Variants in FUS observed in about 807,000 individuals in gnomAD.
The protein encoded by FUS is FUS RNA binding protein.
In FUS, 5 loss-of-function variants were observed where a neutral mutation model predicts 82.7. That is an observed-to-expected ratio of 0.06 (90% CI 0.03 to 0.13). FUS has a LOEUF of 0.13. Ranked by LOEUF, FUS falls within the 10% of genes least tolerant of loss-of-function variation. The pLI, the probability that FUS is intolerant of heterozygous loss-of-function variation, is 1.00. For synonymous variants in FUS, 281 were observed against 247.4 expected, an observed-to-expected ratio of 1.14 and a Z score of -1.27; for missense variants, 512 against 707.8, an observed-to-expected ratio of 0.72 and a Z score of 3.14.
Position 31,182,717 on chromosome 16 carries a change from T to C in FUS, c.190+53T>C, listed in dbSNP as rs777113387. 1.9e-6 allele frequency: 3 copies of C among 1,611,670 alleles called. No homozygotes were observed. The South Asian group carries it at 3.3e-5, about 18-fold the overall frequency. On this transcript the variant is annotated intron_variant, in intron 3 of 14. Transcript: ENST00000254108. ...TCCTACTCTTTCTGAATATTGCTTT[T>C]CTTTTTCTTGTTTTTTGGAGACGGA...
intron 7 of FUS, chr16:31,187,291 G>A (rs939925349): frequency 7.1e-6 from 2 of 282,644 alleles, no homozygotes; most frequent in East Asian, 4.9e-5. Context: ...CCTGAGGATG[G>A]TGAAGTTGGT....
At chr16:31,184,633 C>A (rs891250073) in intron 5 of FUS, among the ~76,000 whole-genome samples, 3 of 151,884 alleles carry the variant, frequency 2.0e-5, no homozygotes, top group Non-Finnish European at 4.4e-5. Context: ...TTAGTAGAGA[C>A]GGGGTTTCAC....
At chr16:31,192,070 G>T (rs922533907), downstream of FUS, 60 of 532,642 alleles carry the variant, frequency 1.1e-4, 1 homozygote, top group Non-Finnish European at 2.0e-4. Flanking sequence ...GCAGGAGTTT[G>T]TGGAGTGGAG....
intron 10 of FUS, 112 bp from the exon 11 acceptor site, chr16:31,189,928 T>C (rs1267823604): frequency 6.4e-7 from 1 of 1,573,246 alleles, no homozygotes; most frequent in Non-Finnish European, 8.7e-7. Flanking sequence ...AGTCTCATTT[T>C]TGCTTATGTG....
Position 31,190,316 on chromosome 16 carries a change from G to A in FUS, c.1210G>A (p.Gly404Ser). The part of the protein sequence containing the change: ...RGGYGGGGSG[G>S]GGRGGFPSGG... The stretch of plus-strand genomic sequence containing the variant: ...AGGCTATGGAGGTGGTGGCAGTGGT[G>A]GTGGTGGCCGAGGAGGATTTCCCAG... The change falls in exon 12 of 15, where the codon GGT (glycine) becomes AGT (serine). Residue 404 changes from glycine to serine, a missense_variant. Around this residue, in one of 6 missense-constraint regions of FUS, gnomAD observed 63 missense variants for 83.0 expected, o/e 0.76. Transcript: ENST00000254108. The A allele has an allele frequency of 6.2e-7, 1 of 1,614,158 alleles. No individual in the cohort carries two copies. The highest frequency in any genetic ancestry group is 8.5e-7 in the Non-Finnish European group (1 of 1,180,010).
downstream of FUS, chr16:31,192,774 T>C (rs2079378343): frequency 2.1e-6 from 1 of 480,504 alleles, no homozygotes. Flanking sequence ...TTTCACTGTG[T>C]TGGCCAGGCT....
In FUS at chr16:31,184,326, C is replaced by T. The variant is rs908499414; in HGVS notation, c.453C>T (p.Pro151=). The T allele has an allele frequency of 6.2e-7, 1 of 1,614,154 alleles. No homozygotes were observed. Among genetic ancestry groups the T allele is most frequent in the Non-Finnish European group, 8.5e-7 (1 of 1,180,024 alleles). Residue 151 remains proline (P), a synonymous_variant, in exon 5 of 15, where the codon CCC becomes CCT. Transcript: ENST00000254108. ...QSYGQQQSYN[P]PQGYGQQNQY... The stretch of plus-strand genomic sequence containing the variant: ...ATGGACAGCAGCAAAGCTATAATCC[C>T]CCTCAGGGCTATGGACAGCAGAACC...
In FUS at chr16:31,185,000, C is replaced by T. The variant is rs1174921648; in HGVS notation, c.585C>T (p.Gly195=). The change falls in exon 6 of 15, where the codon GGC becomes GGT. Residue 195 remains glycine, a synonymous_variant. Coordinates refer to ENST00000254108, the MANE Select transcript of FUS (RefSeq NM_004960.4). ...SSGGGSGGGY[G]NQDQSGGGGS... Reference sequence around the variant, plus strand: ...GTGGTGGCAGTGGTGGCGGTTATGGCAATCAAGACCAGAGTGGTGGAGGTG... The same window carrying T: ...GTGGTGGCAGTGGTGGCGGTTATGGTAATCAAGACCAGAGTGGTGGAGGTG... The T allele has an allele frequency of 6.2e-7, 1 of 1,613,356 alleles. No homozygotes were observed.
At chr16:31,184,027 A>G in intron 4 of FUS, 25 bp downstream of exon 4, 1 of 1,613,298 alleles carries the variant, frequency 6.2e-7, no homozygotes, top group Non-Finnish European at 8.5e-7. Context: ...ATGTCGGGGA[A>G]GGCTTGAAAA....
At chr16:31,194,401 A>G (rs1426992975), downstream of FUS, 1 of 510,354 alleles carries the variant, frequency 2.0e-6, no homozygotes, top group Non-Finnish European at 3.8e-6. Flanking sequence ...CTATCTGCCC[A>G]CCTCAGCCTC....
chr16:31,190,442 C>T (rs531729912), intron 12 of FUS, 44 bp downstream of exon 12: 3 of 1,613,306 alleles, frequency 1.9e-6, no homozygotes, highest in South Asian at 2.2e-5. Context: ...TGCATGCGTG[C>T]TCTTTGATAT....
chr16:31,193,161 C>T (rs766272603), downstream of FUS: 18 of 486,688 alleles, frequency 3.7e-5, no homozygotes, highest in Middle Eastern at 6.0e-4. Context: ...AGGCTGGTCT[C>T]GAACTCCCGA....
At chr16:31,180,559 C>T (rs1327973037) in intron 1 of FUS, among the ~76,000 whole-genome samples, 1 of 152,212 alleles carries the variant, frequency 6.6e-6, no homozygotes, top group African/African-American at 2.4e-5. Flanking sequence ...ACTCCCGGCC[C>T]CGCGCTCGAG....
rs2079353146 is a variant in FUS, at chr16:31,191,233, G to A, written c.1541+123G>A. ...GTGGAAAGACCTGAGGTTGTAACCA[G>A]TAGTGGAGAGGGAAGGAAAATTAAC... is the stretch of plus-strand genomic sequence containing the variant. On this transcript the variant is annotated intron_variant, in intron 14 of 14. Coordinates refer to ENST00000254108, the MANE Select transcript of FUS (RefSeq NM_004960.4). 6 of 1,481,608 alleles carry A rather than the reference G, an allele frequency of 4.0e-6. No individual in the cohort carries two copies. In the East Asian group the frequency reaches 9.3e-5, roughly 23 times the overall value. 91.8% of individuals were successfully genotyped at this position (1,481,608 alleles called of 1,614,324 possible). A position where few individuals can be genotyped will look rare whatever the true frequency, so the allele number is the denominator to read the frequency against.
At position 31,190,795 on chromosome 16, in the gene FUS, C is replaced by A; in HGVS notation, c.1346C>A (p.Ala449Asp). ...AGGAATGAATGCAACCAGTGTAAGGCCCCTAAACCAGATGGCCCAGGAGGG... is the reference window on the plus strand; with the variant it reads ...AGGAATGAATGCAACCAGTGTAAGGACCCTAAACCAGATGGCCCAGGAGGG... The part of the protein sequence containing the change: ...SWRNECNQCK[A>D]PKPDGPGGGP... Residue 449 changes from alanine to aspartate, a missense_variant, in exon 13 of 15, where the codon GCC becomes GAC. By Grantham distance (126) the Ala-to-Asp change is moderately radical. This residue lies in a region of FUS where 96 missense variants were observed against 120.7 expected (regional missense o/e 0.80). Coordinates refer to ENST00000254108, the MANE Select transcript of FUS (RefSeq NM_004960.4). 1 of 1,614,192 alleles carries A rather than the reference C, an allele frequency of 6.2e-7. No individual in the cohort carries two copies. Among genetic ancestry groups the A allele is most frequent in the Non-Finnish European group, 8.5e-7 (1 of 1,180,040 alleles).
chr16:31,194,288 T>G (rs2079396199), downstream of FUS: 1 of 529,226 alleles, frequency 1.9e-6, no homozygotes. Context: ...GTCTCATCCT[T>G]TTTAAATTTT....
At position 31,185,084 on chromosome 16, in the gene FUS, C is replaced by CAGT. The variant is rs2079245946; in HGVS notation, c.669_670insAGT (p.Gly223_Gly224insSer). The CAGT allele has an allele frequency of 6.3e-7, 1 of 1,588,544 alleles. No homozygotes were observed. Among genetic ancestry groups the CAGT allele is most frequent in the Non-Finnish European group, 8.6e-7 (1 of 1,166,408 alleles). On this transcript the variant is annotated inframe_insertion, in exon 6 of 15. Transcript: ENST00000254108. The stretch of plus-strand genomic sequence containing the variant: ...GCCGCGGCAGGGGTGGCAGTGGTGG[C>CAGT]GGCGGCGGCGGCGGCGGTGGTGGTT...
chr16:31,190,136 G>A lies in FUS; in HGVS notation c.1163G>A (p.Arg388Gln), dbSNP rs529771625. ...GGGNGRGGRGRGGPMGRGGYG... is the reference protein window; with the variant it reads ...GGGNGRGGRGQGGPMGRGGYG... ...GGCAATGGTCGTGGAGGCCGAGGGC[G>A]AGGAGGTGAGGAGCTACCTGCTAGT... The change falls in exon 11 of 15, where the codon CGA (arginine) becomes CAA (glutamine). Residue 388 changes from arginine (R) to glutamine (Q), a missense_variant. Coordinates refer to ENST00000254108, the MANE Select transcript of FUS (RefSeq NM_004960.4). 1.9e-6 allele frequency: 3 copies of A among 1,614,188 alleles called. No individual in the cohort carries two copies. The highest frequency in any genetic ancestry group is 2.7e-5 in the African/African-American group (2 of 75,050).
chr16:31,194,294 A>T (rs979268168), downstream of FUS: 42 of 484,204 alleles, frequency 8.7e-5, no homozygotes, highest in African/African-American at 3.3e-4. Flanking sequence ...TCCTTTTTAA[A>T]TTTTTTTTTT....
Sources: gnomAD v4.1 joint callset for allele counts (sites outside exome capture counted in the v4.1 genomes callset) on GRCh38, gnomAD v4.1.1 for gene constraint, gnomAD v4.1.1 regional missense constraint, MANE v1.5 for transcripts, NCBI Gene and HGNC (gene_info 2026-07-23, HGNC 2026-07-21) for gene names.